Variants in ARSB observed in about 807,000 individuals in gnomAD.
ARSB encodes arylsulfatase B, also known as N-acetylgalactosamine-4-sulfatase.
ARSB carries 41 observed loss-of-function variants against 50.9 expected under a neutral mutation model. The ratio of observed to expected loss-of-function variants is 0.81; its 90% CI spans 0.63 to 1.04. The LOEUF (loss-of-function observed/expected upper bound fraction) is 1.04, where lower values mean the gene tolerates loss of function less well. Among genes scored for constraint, ARSB ranks in the 50% least tolerant of loss-of-function variants. The probability of loss-of-function intolerance (pLI) is 0.00; values close to 1 mark genes in which losing one functional copy is unlikely to be tolerated. For missense variants in ARSB, 672 were observed against 693.3 expected (o/e 0.97, Z 0.35); for synonymous variants, 269 against 284.8 (o/e 0.94, Z 0.56).
Position 78,957,232 on chromosome 5 carries a change from G to A in ARSB, c.691-1730C>T, listed in dbSNP as rs555701776. ...AACGTATAATTCTGTTAAAGTATTTGAGGCATTTAAATCTCATAAATGAAT... is the reference window on the plus strand; with the variant it reads ...AACGTATAATTCTGTTAAAGTATTTAAGGCATTTAAATCTCATAAATGAAT... On this transcript the variant is annotated intron_variant, in intron 3 of 7. Coordinates refer to ENST00000264914, the MANE Select transcript of ARSB (RefSeq NM_000046.5). Among the ~76,000 whole-genome samples, 12 of 152,306 alleles carry A rather than the reference G, an allele frequency of 7.9e-5. No individual in the cohort carries two copies. In the South Asian group the frequency reaches 2.5e-3, roughly 32 times the overall value.
At position 78,885,494 on chromosome 5, in the gene ARSB, T is replaced by C. The variant is rs1381862039; in HGVS notation, c.1142+90A>G. On this transcript the variant is annotated intron_variant, in intron 5 of 7. Transcript: ENST00000264914. ...ATGTATTTGTAAGCTGAACTATCAT[T>C]TTAACACAAAAGCTATCATTCTTGC... is the stretch of plus-strand genomic sequence containing the variant. 8 of 1,551,892 alleles carry C rather than the reference T, an allele frequency of 5.2e-6. No individual in the cohort carries two copies. In the African/African-American group the frequency reaches 6.8e-5, roughly 13 times the overall value.
rs544067853 is a variant in ARSB, at chr5:78,849,014, T to C, written c.1143-9588A>G. ...CAAAAATTTTCTCCCATTCTGAAGG[T>C]TGCCTGTTCACTTTGATGGTAGTTT... On this transcript the variant is annotated intron_variant, in intron 5 of 7. Transcript: ENST00000264914. 2.6e-5 allele frequency among the ~76,000 whole-genome samples: 4 copies of C among 152,328 alleles called. No homozygotes were observed. The South Asian group carries it at 6.2e-4, about 24-fold the overall frequency.
chr5:78,806,329 T>C (rs1341631355), intron 6 of ARSB, among the ~76,000 whole-genome samples: 1 of 152,240 alleles, frequency 6.6e-6, no homozygotes, highest in East Asian at 1.9e-4. Context: ...TAAAGATCTT[T>C]AGAGATCTTC....
At chr5:78,869,211 A>G (rs1746980353) in intron 5 of ARSB, among the ~76,000 whole-genome samples, 1 of 106,786 alleles carries the variant, frequency 9.4e-6, no homozygotes, top group African/African-American at 3.9e-5. Context: ...CACATTAATA[A>G]TGGGAGACTT....
chr5:78,926,892 T>A (rs1014469217), intron 4 of ARSB, among the ~76,000 whole-genome samples: 2 of 152,178 alleles, frequency 1.3e-5, no homozygotes, highest in African/African-American at 2.4e-5. Context: ...TTGAAATTAA[T>A]TTTTTTTGAG....
intron 4 of ARSB, among the ~76,000 whole-genome samples, chr5:78,896,253 T>C (rs926385638): frequency 1.3e-5 from 2 of 152,130 alleles, no homozygotes; most frequent in Non-Finnish European, 2.9e-5. Flanking sequence ...ATGATCTAGA[T>C]GGATGATATA....
chr5:78,950,730 C>A (rs1458309389), intron 4 of ARSB, among the ~76,000 whole-genome samples: 1 of 152,144 alleles, frequency 6.6e-6, no homozygotes, highest in East Asian at 1.9e-4. Flanking sequence ...TATGCATCAA[C>A]CTGACCTCAA....
intron 6 of ARSB, among the ~76,000 whole-genome samples, chr5:78,798,498 A>AC (rs377750845): frequency 1.3e-4 from 19 of 150,680 alleles, no homozygotes; most frequent in African/African-American, 2.4e-4. Flanking sequence ...AAGGAGAAAG[A>AC]CCCCCCCGCC....
rs762354341 is a variant in ARSB, at chr5:78,962,976, G to A, written c.690+1440C>T. ...CAGGTATGTAAACCAGAATCCACAC[G>A]GTGATCTTCTTATAGTTTAGATATT... is the stretch of plus-strand genomic sequence containing the variant. On this transcript the variant is annotated intron_variant, in intron 3 of 7. Coordinates refer to ENST00000264914, the MANE Select transcript of ARSB (RefSeq NM_000046.5). 3.9e-5 allele frequency among the ~76,000 whole-genome samples: 6 copies of A among 152,176 alleles called. No individual in the cohort carries two copies. In the East Asian group the frequency reaches 5.8e-4, roughly 15 times the overall value.
intron 5 of ARSB, among the ~76,000 whole-genome samples, 168 bp from the exon 6 acceptor site, chr5:78,839,594 C>A (rs1380707749): frequency 6.6e-6 from 1 of 152,182 alleles, no homozygotes; most frequent in African/African-American, 2.4e-5. Flanking sequence ...TTCAAGCAGT[C>A]ATCGTTTGTT....
At chr5:78,936,572 C>G (rs978239933) in intron 4 of ARSB, among the ~76,000 whole-genome samples, 1 of 151,952 alleles carries the variant, frequency 6.6e-6, no homozygotes, top group Non-Finnish European at 1.5e-5. Context: ...AATAAATGAA[C>G]CTCTGCTCAC....
chr5:78,806,742 C>G (rs543243371), intron 6 of ARSB, among the ~76,000 whole-genome samples: 1 of 152,186 alleles, frequency 6.6e-6, no homozygotes, highest in East Asian at 1.9e-4. Context: ...TCCATACTCA[C>G]GATTACTCAT....
chr5:78,830,145 A>G (rs184282161), intron 6 of ARSB, among the ~76,000 whole-genome samples: 2 of 152,378 alleles, frequency 1.3e-5, no homozygotes, highest in East Asian at 3.9e-4. Flanking sequence ...CTATGGCTAA[A>G]ATTTCTAGGC....
chr5:78,879,898 C>G (rs1010282565), intron 5 of ARSB, among the ~76,000 whole-genome samples: 1 of 151,606 alleles, frequency 6.6e-6, no homozygotes, highest in African/African-American at 2.4e-5. Context: ...TTTTTGCTTT[C>G]TAAATAGAAA....
chr5:78,939,197 G>A (rs1750777786), intron 4 of ARSB, among the ~76,000 whole-genome samples: 1 of 152,072 alleles, frequency 6.6e-6, no homozygotes, highest in Admixed American at 6.5e-5. Flanking sequence ...ACAACATCCT[G>A]AAAACTGGCA....
chr5:78,892,572 T>A (rs543881700), intron 4 of ARSB, among the ~76,000 whole-genome samples: 69 of 152,240 alleles, frequency 4.5e-4, no homozygotes, highest in Non-Finnish European at 7.9e-4. Flanking sequence ...CTCTATTCTA[T>A]AGGTAATTTC....
intron 6 of ARSB, among the ~76,000 whole-genome samples, chr5:78,787,048 C>T (rs1458590622): frequency 1.3e-5 from 2 of 152,084 alleles, no homozygotes; most frequent in African/African-American, 2.4e-5. Flanking sequence ...TCTGGACTCT[C>T]GATGCCATTC....
At chr5:78,876,932 GCTT>G (rs746397656) in intron 5 of ARSB, among the ~76,000 whole-genome samples, 5 of 152,164 alleles carry the variant, frequency 3.3e-5, no homozygotes, top group Non-Finnish European at 7.3e-5. Flanking sequence ...TACGGTGTAT[GCTT>G]CTTATGAGAA....
chr5:78,816,416 C>T (rs1743994212), intron 6 of ARSB, among the ~76,000 whole-genome samples: 1 of 152,192 alleles, frequency 6.6e-6, no homozygotes. Flanking sequence ...CACTCCCCAG[C>T]CCCACCCTCA....
Sources: gnomAD v4.1 joint callset for allele counts (sites outside exome capture counted in the v4.1 genomes callset) on GRCh38, gnomAD v4.1.1 for gene constraint, MANE v1.5 for transcripts, NCBI Gene and HGNC (gene_info 2026-07-23, HGNC 2026-07-21) for gene names.